Variants in SLC39A14 observed in about 807,000 individuals in gnomAD.
SLC39A14 encodes metal cation symporter ZIP14.
Under a neutral mutation model 45.5 loss-of-function variants are expected in SLC39A14, and 19 were observed. The observed-to-expected ratio is 0.42, with a 90% confidence interval of 0.29 to 0.61. The LOEUF (loss-of-function observed/expected upper bound fraction) is 0.61, where lower values mean the gene tolerates loss of function less well. SLC39A14 is among the 20% of genes least tolerant of loss of function. The pLI, the probability that SLC39A14 is intolerant of heterozygous loss-of-function variation, is 0.22. For missense variants in SLC39A14, 447 were observed against 616.5 expected, an observed-to-expected ratio of 0.73 and a Z score of 2.91; for synonymous variants, 264 against 251.3, an observed-to-expected ratio of 1.05 and a Z score of -0.48.
chr8:22,385,063 AAAAAAC>A (rs980261544), intron 1 of SLC39A14, among the ~76,000 whole-genome samples: 17 of 152,098 alleles, frequency 1.1e-4, no homozygotes, highest in African/African-American at 3.9e-4. Context: ...AAAAAACACA[AAAAAAC>A]AAAAACAAAA....
At chr8:22,386,004 A>G (rs1007840311) in intron 1 of SLC39A14, among the ~76,000 whole-genome samples, 7 of 152,162 alleles carry the variant, frequency 4.6e-5, no homozygotes, top group African/African-American at 1.2e-4. Context: ...CAGTGGCTCA[A>G]TCTTGGCTGA....
chr8:22,386,135 G>A (rs962824578), intron 1 of SLC39A14, among the ~76,000 whole-genome samples: 11 of 151,606 alleles, frequency 7.3e-5, no homozygotes, highest in African/African-American at 2.7e-4. Context: ...TAGAGACGGG[G>A]TTTCATTATA....
At chr8:22,392,302 C>T (rs1834119909) in intron 1 of SLC39A14, among the ~76,000 whole-genome samples, 1 of 152,166 alleles carries the variant, frequency 6.6e-6, no homozygotes, top group South Asian at 2.1e-4. Flanking sequence ...ATCAGAGTGC[C>T]TCTGCGAGCT....
chr8:22,369,629 G>A (rs1353025629), intron 1 of SLC39A14, among the ~76,000 whole-genome samples: 2 of 152,160 alleles, frequency 1.3e-5, no homozygotes, highest in Non-Finnish European at 2.9e-5. Flanking sequence ...TTCAGAGAGC[G>A]GGCATCCTTG....
intron 1 of SLC39A14, among the ~76,000 whole-genome samples, chr8:22,382,342 T>C (rs1231217186): frequency 6.6e-6 from 1 of 152,130 alleles, no homozygotes; most frequent in African/African-American, 2.4e-5. Flanking sequence ...TCCTATGAAA[T>C]AGGCACTCAT....
chr8:22,403,428 C>A (rs1433831758), intron 1 of SLC39A14, among the ~76,000 whole-genome samples: 2 of 151,658 alleles, frequency 1.3e-5, no homozygotes, highest in Non-Finnish European at 2.9e-5. Context: ...TACAGACGTG[C>A]ACCACCATGC....
intron 1 of SLC39A14, among the ~76,000 whole-genome samples, chr8:22,391,272 G>A (rs929164937): frequency 1.3e-5 from 2 of 152,134 alleles, no homozygotes; most frequent in Admixed American, 1.3e-4. Context: ...CTTTGTTGAG[G>A]GCAGGTGCTA....
rs1197484557 is a variant in SLC39A14, at chr8:22,419,805, A to G, written c.*107A>G. 5.5e-6 allele frequency: 8 copies of G among 1,455,086 alleles called. No individual in the cohort carries two copies. Among genetic ancestry groups the G allele is most frequent in the Non-Finnish European group, 4.5e-6 (5 of 1,106,844 alleles). 90.1% of individuals were successfully genotyped at this position (1,455,086 alleles called of 1,614,324 possible). A position where few individuals can be genotyped will look rare whatever the true frequency, so the allele number is the denominator to read the frequency against. On this transcript the variant is annotated 3_prime_UTR_variant, in exon 9 of 9. Transcript: ENST00000381237. ...CACCACGGAAGAGGCCGTTCTATGA[A>G]AAACTGACACAGACTGTATTCCTGC...
intron 4 of SLC39A14, among the ~76,000 whole-genome samples, chr8:22,412,582 C>A (rs1835637140): frequency 6.6e-6 from 1 of 152,158 alleles, no homozygotes; most frequent in Non-Finnish European, 1.5e-5. Flanking sequence ...TGAAAAGATG[C>A]AGTGTAGCGA....
intron 1 of SLC39A14, among the ~76,000 whole-genome samples, chr8:22,386,175 C>T (rs112775811): frequency 0.032 from 4,879 of 152,022 alleles, 244 homozygotes; most frequent in African/African-American, 0.11. Context: ...GAACTCCTGA[C>T]CTCAGGTGAT....
intron 1 of SLC39A14, among the ~76,000 whole-genome samples, chr8:22,395,058 G>GGAGT (rs1834308437): frequency 6.6e-6 from 1 of 151,228 alleles, no homozygotes; most frequent in Admixed American, 6.6e-5. Context: ...TCGCCAGCCT[G>GGAGT]GAGTGCAGTG....
At chr8:22,376,563 T>G (rs959479144) in intron 1 of SLC39A14, among the ~76,000 whole-genome samples, 7 of 151,954 alleles carry the variant, frequency 4.6e-5, no homozygotes, top group Admixed American at 3.9e-4. Flanking sequence ...AAAAGGTGGG[T>G]TTTCTGTTGT....
chr8:22,421,315 A>G lies in SLC39A14; in HGVS notation c.*1617A>G. ...ATCCGTTTTGTTTTCTCTTCTTGGG[A>G]GACATCTGTCAAACCAGGAATATTC... is the stretch of plus-strand genomic sequence containing the variant. On this transcript the variant is annotated 3_prime_UTR_variant, in exon 9 of 9. Transcript: ENST00000381237. 1.0e-6 allele frequency: 1 copy of G among 985,890 alleles called. No individual in the cohort carries two copies. Among genetic ancestry groups the G allele is most frequent in the African/African-American group, 1.7e-5 (1 of 57,364 alleles). 61.1% of individuals were successfully genotyped at this position (985,890 alleles called of 1,614,324 possible).
downstream of SLC39A14, among the ~76,000 whole-genome samples, chr8:22,423,784 G>T (rs1034209432): frequency 1.2e-4 from 8 of 64,472 alleles, no homozygotes; most frequent in African/African-American, 6.3e-5. Context: ...ACTTTAATTG[G>T]TTTCTCTCTC....
At chr8:22,410,430 G>A (rs755475764) in intron 3 of SLC39A14, among the ~76,000 whole-genome samples, 13 of 152,150 alleles carry the variant, frequency 8.5e-5, no homozygotes, top group African/African-American at 1.7e-4. Context: ...ATCGACTGCC[G>A]TCCATGCCTT....
chr8:22,411,921 C>T lies in SLC39A14; in HGVS notation c.458-116C>T, dbSNP rs1835591900. On this transcript the variant is annotated intron_variant, in intron 3 of 8. Transcript: ENST00000381237. ...TCCGTTAATATCCACCAAACTTTTC[C>T]TTGCGACCTCCCTATCTGCTCCACC... 5.2e-6 allele frequency: 5 copies of T among 962,556 alleles called. No homozygotes were observed. In the East Asian group the frequency reaches 8.0e-5, roughly 15 times the overall value. The allele number at this position is 962,556 out of a possible 1,614,324, so 59.6% of individuals were successfully genotyped here. A position where few individuals can be genotyped will look rare whatever the true frequency, so the allele number is the denominator to read the frequency against.
At chr8:22,418,445 C>T (rs572648499) in intron 8 of SLC39A14, among the ~76,000 whole-genome samples, 10 of 152,234 alleles carry the variant, frequency 6.6e-5, no homozygotes, top group African/African-American at 2.2e-4. Flanking sequence ...AAGAAAATTA[C>T]GCATAATCAT....
At chr8:22,405,559 C>A (rs1335909304) in intron 2 of SLC39A14, among the ~76,000 whole-genome samples, 16 of 152,108 alleles carry the variant, frequency 1.1e-4, no homozygotes, top group Admixed American at 1.0e-3. Flanking sequence ...GTTCTCAGCC[C>A]CCCAGAATCT....
At chr8:22,394,939 C>T (rs374884286) in intron 1 of SLC39A14, among the ~76,000 whole-genome samples, 58 of 151,948 alleles carry the variant, frequency 3.8e-4, no homozygotes, top group African/African-American at 1.3e-3. Flanking sequence ...TGGTGCTATT[C>T]GGGAAAGAAG....
Sources: allele counts gnomAD v4.1 joint callset (sites outside exome capture counted in the v4.1 genomes callset), GRCh38; gene constraint gnomAD v4.1.1; transcripts MANE v1.5; gene names NCBI Gene and HGNC (gene_info 2026-07-23, HGNC 2026-07-21).